Variants in GSDMD observed in about 807,000 individuals in gnomAD.
GSDMD encodes the protein gasdermin D.
Under a neutral mutation model 46.7 loss-of-function variants are expected in GSDMD, and 46 were observed. The observed-to-expected ratio is 0.99, with a 90% CI of 0.78 to 1.26. The LOEUF is 1.26. Ranked by LOEUF, GSDMD falls within the 50% of genes most tolerant of loss-of-function variation. The probability of loss-of-function intolerance (pLI) is 0.00; values close to 1 mark genes in which losing one functional copy is unlikely to be tolerated. For synonymous variants in GSDMD, 307 were observed against 283.1 expected (o/e 1.08, Z -0.85); for missense variants, 649 against 638.8 (o/e 1.02, Z -0.17).
chr8:143,555,031 T>C (rs571963927), upstream of GSDMD: 1 of 152,396 alleles, frequency 6.6e-6, no homozygotes, highest in South Asian at 2.1e-4. Context: ...AAGATAATGT[T>C]TCCTTCTGTT....
rs568540349 is a variant in GSDMD at position 143,561,815 on chromosome 8, C to T, written c.810C>T (p.His270=). ...PSGLSMMRCL[H]NFLTDGVPAE... ...GCCTCTCCATGATGAGGTGCCTCCA[C>T]AACTTCCTGACAGGTCAGTGCCCTC... Residue 270 remains histidine, a synonymous_variant, in exon 7 of 11, where the codon CAC becomes CAT. Coordinates refer to ENST00000262580, the MANE Select transcript of GSDMD (RefSeq NM_024736.7). 13 of 1,610,958 alleles carry T rather than the reference C, an allele frequency of 8.1e-6. No homozygotes were observed. In the East Asian group the frequency reaches 2.7e-4, roughly 33 times the overall value.
chr8:143,561,392 G>A lies in GSDMD; in HGVS notation c.705G>A (p.Lys235=), dbSNP rs574516326. ...CAGACGTCCTTCTCTTCCCGGATAA[G>A]AAGCAGAGGACCTTCCAGCCACCCG... ...SDLDVLLFPD[K]KQRTFQPPAT... Residue 235 remains lysine (K), a synonymous_variant, in exon 6 of 11, where the codon AAG becomes AAA. Transcript: ENST00000262580. 460 of 1,611,310 alleles carry A rather than the reference G, an allele frequency of 2.9e-4. 8 individuals carry two copies. In the South Asian group the frequency reaches 4.6e-3, roughly 16 times the overall value.
At chr8:143,557,504 G>GAAGGATGATGCCGCTGTGA (rs1823337169), upstream of GSDMD, among the ~76,000 whole-genome samples, 1 of 119,294 alleles carries the variant, frequency 8.4e-6, no homozygotes, top group Non-Finnish European at 1.8e-5. Context: ...TGCCACTATG[G>GAAGGATGATGCCGCTGTGA]CGAAGGATGC....
rs552794891 is a variant in GSDMD at position 143,561,386 on chromosome 8, G to C, written c.699G>C (p.Pro233=). 1 of 1,610,718 alleles carries C rather than the reference G, an allele frequency of 6.2e-7. No individual in the cohort carries two copies. The highest frequency in any genetic ancestry group is 8.5e-7 in the Non-Finnish European group (1 of 1,179,040). Reference sequence around the variant, plus strand: ...GGCTGCCAGACGTCCTTCTCTTCCCGGATAAGAAGCAGAGGACCTTCCAGC... The same window carrying C: ...GGCTGCCAGACGTCCTTCTCTTCCCCGATAAGAAGCAGAGGACCTTCCAGC... ...IDSDLDVLLF[P]DKKQRTFQPP... The change falls in exon 6 of 11, where the codon CCG becomes CCC. Residue 233 remains proline, a synonymous_variant. Transcript: ENST00000262580.
Position 143,562,762 on chromosome 8 carries a change from C to G in GSDMD, c.1313C>G (p.Ala438Gly), listed in dbSNP as rs573558883. Residue 438 changes from alanine to glycine, a missense_variant, in exon 11 of 11, where the codon GCC (alanine) becomes GGC (glycine). Transcript: ENST00000262580. ...AACAGCTGGGGCGAAGGAGCACCGG[C>G]CTGGGTCTTGCTGGACGAGTGTGGC... is the stretch of plus-strand genomic sequence containing the variant. Reference protein sequence around the residue: ...LGNSWGEGAPAWVLLDECGLE... With the variant: ...LGNSWGEGAPGWVLLDECGLE... 6.3e-7 allele frequency: 1 copy of G among 1,588,832 alleles called. No individual in the cohort carries two copies. Among genetic ancestry groups the G allele is most frequent in the Non-Finnish European group, 8.6e-7 (1 of 1,167,960 alleles).
intron 3 of GSDMD, 118 bp downstream of exon 3, chr8:143,560,087 T>A: frequency 9.8e-7 from 1 of 1,021,966 alleles, no homozygotes; most frequent in Non-Finnish European, 1.5e-6. Flanking sequence ...TCGGCCAGGG[T>A]GGTCTTGAAC....
chr8:143,562,886 G>A lies in GSDMD; in HGVS notation c.1437G>A (p.Leu479=), dbSNP rs753348515. 7 of 1,612,068 alleles carry A rather than the reference G, an allele frequency of 4.3e-6. No individual in the cohort carries two copies. Among genetic ancestry groups the A allele is most frequent in the Non-Finnish European group, 5.9e-6 (7 of 1,179,994 alleles). The change falls in exon 11 of 11, where the codon CTG becomes CTA. Residue 479 remains leucine, a synonymous_variant. Coordinates refer to ENST00000262580, the MANE Select transcript of GSDMD (RefSeq NM_024736.7). ...CCTCCCTGGCACTGCTATCAGGACT[G>A]AGCCAGGAGCCCCACTAGCCTGTGC... ...LYASLALLSG[L]SQEPH
At chr8:143,558,195 T>C, upstream of GSDMD, 1 of 858,986 alleles carries the variant, frequency 1.2e-6, no homozygotes, top group Non-Finnish European at 1.7e-6. Context: ...AGTTTGAGGC[T>C]ACCAGGATGG....
intron 1 of GSDMD, 52 bp from the exon 2 acceptor site, chr8:143,559,280 T>TACCCCCCCC: frequency 5.2e-6 from 3 of 579,430 alleles, no homozygotes; most frequent in East Asian, 3.2e-5. Flanking sequence ...CTTCTCCCAC[T>TACCCCCCCC]CCCTCCCGCC....
At chr8:143,558,992 C>CT in intron 1 of GSDMD, 1 of 394,230 alleles carries the variant, frequency 2.5e-6, no homozygotes, top group Non-Finnish European at 4.7e-6. Flanking sequence ...GGTCCCTGCA[C>CT]CACGCTCAGG....
chr8:143,559,325 TC>T lies in GSDMD; in HGVS notation c.-4-5del. On this transcript the variant is annotated splice_polypyrimidine_tract_variant and splice_region_variant and intron_variant, in intron 1 of 10. Transcript: ENST00000262580. ...AGCACAATGCCTGACCCATTTCCCC[TC>T]CTCAGGAGCATGGGGTCGGCCTTTG... 3.0e-6 allele frequency: 3 copies of T among 1,001,482 alleles called. No homozygotes were observed. Among genetic ancestry groups the T allele is most frequent in the Non-Finnish European group, 3.9e-6 (3 of 763,556 alleles). The allele number at this position is 1,001,482 out of a possible 1,614,324, so 62.0% of individuals were successfully genotyped here.
chr8:143,562,618 G>A, intron 10 of GSDMD, 44 bp from the exon 11 acceptor site: 1 of 1,597,864 alleles, frequency 6.3e-7, no homozygotes. Context: ...GGCACAAGAT[G>A]CCCAGATTTC....
chr8:143,562,610 C>T (rs1767468510), intron 10 of GSDMD, 52 bp from the exon 11 acceptor site: 6 of 1,596,762 alleles, frequency 3.8e-6, no homozygotes, highest in African/African-American at 1.3e-5. Context: ...TATGGGCAGG[C>T]ACAAGATGCC....
Position 143,560,788 on chromosome 8 carries a change from G to C in GSDMD, c.579+17G>C. 6.6e-7 allele frequency: 1 copy of C among 1,511,108 alleles called. No individual in the cohort carries two copies. The highest frequency in any genetic ancestry group is 8.8e-7 in the Non-Finnish European group (1 of 1,130,022). The allele number at this position is 1,511,108 out of a possible 1,614,324, so 93.6% of individuals were successfully genotyped here. On this transcript the variant is annotated intron_variant, in intron 4 of 10. Transcript: ENST00000262580. ...TGCTTGCAGGTGTGTAGCCAGCCCC[G>C]GGCCACGCCTGGCCCCCCACGTGGG...
rs1380406996 is a variant in GSDMD at position 143,559,801 on chromosome 8, A to C, written c.242A>C (p.His81Pro). Reference sequence around the variant, plus strand: ...GACGTGCAGCGTGGCAGGAGCTTCCACTTCTACGATGCCATGGATGGGCAG... The same window carrying C: ...GACGTGCAGCGTGGCAGGAGCTTCCCCTTCTACGATGCCATGGATGGGCAG... The part of the protein sequence containing the change: ...EPDVQRGRSF[H>P]FYDAMDGQIQ... The change falls in exon 3 of 11, where the codon CAC becomes CCC. Residue 81 changes from histidine (H) to proline (P), a missense_variant. His to Pro is a moderately conservative substitution (Grantham distance 77, BLOSUM62 -2). Transcript: ENST00000262580. The C allele has an allele frequency of 6.2e-7, 1 of 1,606,350 alleles. No homozygotes were observed. Among genetic ancestry groups the C allele is most frequent in the Non-Finnish European group, 8.5e-7 (1 of 1,176,628 alleles).
chr8:143,559,214 A>G (rs1448284172), intron 1 of GSDMD, 118 bp from the exon 2 acceptor site: 7 of 673,762 alleles, frequency 1.0e-5, no homozygotes, highest in Non-Finnish European at 1.8e-5. Context: ...TGAGCTGGGC[A>G]GGGCTGTTCT....
chr8:143,562,678 A>G lies in GSDMD; in HGVS notation c.1229A>G (p.Glu410Gly). The change falls in exon 11 of 11, where the codon GAG becomes GGG. Residue 410 changes from glutamate to glycine, a missense_variant. Physicochemically the swap from Glu to Gly is moderately conservative, Grantham distance 98. Coordinates refer to ENST00000262580, the MANE Select transcript of GSDMD (RefSeq NM_024736.7). Reference sequence around the variant, plus strand: ...TCTTGGCAGGTGGGCAGCCTCTTGGAGCAGAGTGCCCCGTGGCAGGAGCGC... The same window carrying G: ...TCTTGGCAGGTGGGCAGCCTCTTGGGGCAGAGTGCCCCGTGGCAGGAGCGC... ...GPLELVGSLL[E>G]QSAPWQERST... 6.2e-7 allele frequency: 1 copy of G among 1,606,820 alleles called. No individual in the cohort carries two copies. The highest frequency in any genetic ancestry group is 2.2e-5 in the East Asian group (1 of 44,710).
chr8:143,560,554 C>T (rs546945672), intron 3 of GSDMD, 49 bp from the exon 4 acceptor site: 97 of 1,514,520 alleles, frequency 6.4e-5, no homozygotes, highest in Admixed American at 1.2e-4. Context: ...GGAGGGAAGA[C>T]GCCTTCAGGG....
chr8:143,561,444 G>T (rs1309919410), intron 6 of GSDMD, 21 bp downstream of exon 6: 3 of 1,606,932 alleles, frequency 1.9e-6, no homozygotes, highest in Non-Finnish European at 2.5e-6. Context: ...AGAGCCCCCA[G>T]CATGGGGTGT....
Sources: allele counts gnomAD v4.1 joint callset (sites outside exome capture counted in the v4.1 genomes callset), GRCh38; gene constraint gnomAD v4.1.1; transcripts MANE v1.5; gene names NCBI Gene and HGNC (gene_info 2026-07-23, HGNC 2026-07-21).